CECR2: variants seen among roughly 807,000 people sequenced by gnomAD.
CECR2 encodes the protein CECR2 histone acetyl-lysine reader, also known as chromatin remodeling regulator CECR2.
In CECR2, 30 loss-of-function variants were observed where a neutral mutation model predicts 154.5. That is an observed-to-expected ratio of 0.19 (90% CI 0.15 to 0.26). The LOEUF is 0.26. Among genes scored for constraint, CECR2 ranks in the 10% least tolerant of loss-of-function variants. The pLI, the probability that CECR2 is intolerant of heterozygous loss-of-function variation, is 1.00. For synonymous variants in CECR2, 725 were observed against 683.7 expected, an observed-to-expected ratio of 1.06 and a Z score of -0.94; for missense variants, 1,743 against 1,829.3, an observed-to-expected ratio of 0.95 and a Z score of 0.86.
intron 1 of CECR2, among the ~76,000 whole-genome samples, chr22:17,423,107 C>A (rs2054281149): frequency 6.6e-6 from 1 of 152,092 alleles, no homozygotes; most frequent in Admixed American, 6.6e-5. Context: ...ACAGGATATA[C>A]TGGGTGAAGT....
chr22:17,380,689 G>A (rs9604737), intron 1 of CECR2, among the ~76,000 whole-genome samples: 109,005 of 152,160 alleles, frequency 0.72, 39,626 homozygotes, highest in African/African-American at 0.83. Flanking sequence ...AGAGGAAGCC[G>A]TGGGGCCACA....
At chr22:17,470,392 CAA>C (rs5844313) in intron 1 of CECR2, among the ~76,000 whole-genome samples, 10 of 99,806 alleles carry the variant, frequency 1.0e-4, no homozygotes, top group Admixed American at 1.1e-4. Context: ...GACTCCGTCT[CAA>C]AAAAAAAAAA....
At chr22:17,432,041 T>C (rs1000534632) in intron 1 of CECR2, among the ~76,000 whole-genome samples, 2 of 149,726 alleles carry the variant, frequency 1.3e-5, no homozygotes. Flanking sequence ...AGCCCCACTT[T>C]GTGCCTGTAT....
At chr22:17,421,651 G>A (rs898408549) in intron 1 of CECR2, among the ~76,000 whole-genome samples, 4 of 130,484 alleles carry the variant, frequency 3.1e-5, no homozygotes, top group African/African-American at 1.2e-4. Flanking sequence ...AAATTAGCCA[G>A]GCATGGTGGC....
At chr22:17,372,257 A>G (rs1308557282) in intron 1 of CECR2, among the ~76,000 whole-genome samples, 2 of 152,198 alleles carry the variant, frequency 1.3e-5, no homozygotes, top group Admixed American at 6.5e-5. Context: ...TGTCTAATCC[A>G]TCTCAGGTAT....
At chr22:17,414,176 G>T (rs564709757) in intron 1 of CECR2, among the ~76,000 whole-genome samples, 3 of 151,398 alleles carry the variant, frequency 2.0e-5, no homozygotes, top group African/African-American at 4.9e-5. Flanking sequence ...ATTTCACTGT[G>T]TTAGCCAGGA....
intron 1 of CECR2, among the ~76,000 whole-genome samples, chr22:17,460,301 C>G (rs2054917913): frequency 6.6e-6 from 1 of 152,172 alleles, no homozygotes; most frequent in Non-Finnish European, 1.5e-5. Context: ...CCTCTGTCTC[C>G]TGGGTTCAAG....
intron 1 of CECR2, among the ~76,000 whole-genome samples, chr22:17,395,935 AT>A (rs780264415): frequency 1.1e-4 from 16 of 152,216 alleles, no homozygotes; most frequent in Non-Finnish European, 2.2e-4. Context: ...TTCTAAAAAC[AT>A]TTTTAATTAA....
chr22:17,487,841 T>A (rs2055450369), intron 2 of CECR2, among the ~76,000 whole-genome samples: 1 of 152,064 alleles, frequency 6.6e-6, no homozygotes. Flanking sequence ...AAACGGTAAT[T>A]CATCAACATT....
intron 1 of CECR2, among the ~76,000 whole-genome samples, chr22:17,361,674 G>A (rs1369328477): frequency 6.6e-6 from 1 of 151,476 alleles, no homozygotes; most frequent in East Asian, 1.9e-4. Context: ...GGGGGCTGGG[G>A]GGAGGTTGCA....
At chr22:17,385,111 A>G (rs1423190985) in intron 1 of CECR2, among the ~76,000 whole-genome samples, 1 of 152,226 alleles carries the variant, frequency 6.6e-6, no homozygotes, top group Non-Finnish European at 1.5e-5. Context: ...CTTTGGCTTC[A>G]GGGAATGTTG....
chr22:17,549,103 C>A lies in CECR2; in HGVS notation c.3816C>A (p.Asp1272Glu). 1.2e-6 allele frequency: 2 copies of A among 1,613,998 alleles called. No homozygotes were observed. Among genetic ancestry groups the A allele is most frequent in the Non-Finnish European group, 1.7e-6 (2 of 1,179,890 alleles). The change falls in exon 17 of 19, where the codon GAC becomes GAA. Residue 1272 changes from aspartate to glutamate, a missense_variant. By Grantham distance (45) the Asp-to-Glu change is conservative. Coordinates refer to ENST00000262608, the MANE Select transcript of CECR2 (RefSeq NM_001290047.2). ...CAGTGGCTGCTAAAGTCCCAAATGACGGGCAGAATCCTGGTCCAGAGGAAG... is the reference window on the plus strand; with the variant it reads ...CAGTGGCTGCTAAAGTCCCAAATGAAGGGCAGAATCCTGGTCCAGAGGAAG... ...MDAVAAKVPN[D>E]GQNPGPEEEK... is the part of the protein sequence containing the mutation.
intron 2 of CECR2, 61 bp from the exon 3 acceptor site, chr22:17,497,342 C>T: frequency 6.7e-7 from 1 of 1,489,710 alleles, no homozygotes; most frequent in Non-Finnish European, 9.1e-7. Context: ...TCTCTCTCTC[C>T]TTCTCCCAAC....
At chr22:17,500,961 T>C (rs929776980) in intron 5 of CECR2, among the ~76,000 whole-genome samples, 2 of 152,218 alleles carry the variant, frequency 1.3e-5, no homozygotes, top group Non-Finnish European at 2.9e-5. Context: ...TACTAGACGA[T>C]GGATGTGCAC....
chr22:17,463,712 G>A (rs1180662472), intron 1 of CECR2, among the ~76,000 whole-genome samples: 2 of 152,006 alleles, frequency 1.3e-5, no homozygotes, highest in Non-Finnish European at 2.9e-5. Context: ...CGTCGGGGAC[G>A]GGCACTGGGA....
chr22:17,371,077 G>A (rs563622210), intron 1 of CECR2, among the ~76,000 whole-genome samples: 31 of 152,118 alleles, frequency 2.0e-4, no homozygotes, highest in South Asian at 6.2e-4. Flanking sequence ...TGCCATTTTC[G>A]GGTTGATTTT....
intron 2 of CECR2, among the ~76,000 whole-genome samples, chr22:17,494,563 T>G (rs902112033): frequency 2.0e-5 from 3 of 152,246 alleles, no homozygotes; most frequent in African/African-American, 7.2e-5. Context: ...CAGTGAGATT[T>G]GTGAGAGCCC....
upstream of CECR2, among the ~76,000 whole-genome samples, chr22:17,367,540 C>T (rs191107044): frequency 6.6e-6 from 1 of 152,016 alleles, no homozygotes; most frequent in East Asian, 1.9e-4. Context: ...CGCCTGCCAC[C>T]ACACCCATCT....
In CECR2 at chr22:17,532,700, C is replaced by CTTTTTT. The variant is rs695634; in HGVS notation, c.1109-4373_1109-4368dup. On this transcript the variant is annotated intron_variant, in intron 9 of 18. Transcript: ENST00000262608. ...CCAAGTAGGTATATTCATTATTATT[C>CTTTTTT]TTTTTTTTTTTTTTTTTTTTTTTTT... 9.5e-3 allele frequency among the ~76,000 whole-genome samples: 339 copies of CTTTTTT among 35,804 alleles called. 58 individuals are homozygous for CTTTTTT. Among genetic ancestry groups the CTTTTTT allele is most frequent in the South Asian group, 0.017 (10 of 590 alleles). The allele number at this position is 35,804 out of a possible 152,430, so 23.5% of individuals were successfully genotyped here.
Sources: allele counts gnomAD v4.1 joint callset (sites outside exome capture counted in the v4.1 genomes callset), GRCh38; gene constraint gnomAD v4.1.1; transcripts MANE v1.5; gene names NCBI Gene and HGNC (gene_info 2026-07-23, HGNC 2026-07-21).